The following AFG1L variants were observed in gnomAD, a reference collection of about 807,000 sequenced individuals.
AFG1L encodes AFG1-like ATPase.
Under a neutral mutation model 62.2 loss-of-function variants are expected in AFG1L, and 53 were observed. The ratio of observed to expected loss-of-function variants is 0.85; its 90% CI spans 0.68 to 1.07. The LOEUF (loss-of-function observed/expected upper bound fraction) is 1.07, where lower values mean the gene tolerates loss of function less well. Among genes scored for constraint, AFG1L ranks in the 50% least tolerant of loss-of-function variants. The pLI, the probability that AFG1L is intolerant of heterozygous loss-of-function variation, is 0.00. For missense variants in AFG1L, 555 were observed against 590.5 expected, an observed-to-expected ratio of 0.94 and a Z score of 0.62; for synonymous variants, 228 against 210.3, an observed-to-expected ratio of 1.08 and a Z score of -0.73.
intron 10 of AFG1L, among the ~76,000 whole-genome samples, chr6:108,487,091 A>G (rs1773600946): frequency 6.6e-6 from 1 of 152,240 alleles, no homozygotes. Context: ...GTTTCTCTCA[A>G]AGAGTTTACA....
At chr6:108,431,102 A>AT (rs1771049299) in intron 7 of AFG1L, among the ~76,000 whole-genome samples, 1 of 120,686 alleles carries the variant, frequency 8.3e-6, no homozygotes, top group South Asian at 3.0e-4. Context: ...TTTATTCTTT[A>AT]TAATTTCTTT....
At chr6:108,517,615 A>G (rs541756150) in intron 11 of AFG1L, among the ~76,000 whole-genome samples, 19 of 152,338 alleles carry the variant, frequency 1.2e-4, no homozygotes, top group Non-Finnish European at 2.4e-4. Context: ...TGTCTAAAAC[A>G]CCAAAAGCAA....
intron 3 of AFG1L, among the ~76,000 whole-genome samples, chr6:108,347,597 C>T (rs897930572): frequency 1.3e-5 from 2 of 152,164 alleles, no homozygotes; most frequent in African/African-American, 2.4e-5. Context: ...GTGGTCACTT[C>T]TTTCTAGGTT....
At chr6:108,438,999 C>G (rs1253356753) in intron 7 of AFG1L, among the ~76,000 whole-genome samples, 1 of 152,182 alleles carries the variant, frequency 6.6e-6, no homozygotes, top group Admixed American at 6.5e-5. Flanking sequence ...AGGAAGAACT[C>G]AGCCCTGAAG....
intron 7 of AFG1L, among the ~76,000 whole-genome samples, chr6:108,425,584 T>A (rs1474475541): frequency 6.6e-6 from 1 of 152,196 alleles, no homozygotes; most frequent in Admixed American, 6.5e-5. Flanking sequence ...CCAGATTTCC[T>A]AGTTTTTATT....
intron 10 of AFG1L, among the ~76,000 whole-genome samples, chr6:108,490,560 A>T (rs955540842): frequency 1.3e-5 from 2 of 152,248 alleles, no homozygotes; most frequent in African/African-American, 4.8e-5. Flanking sequence ...ACATGGGAAT[A>T]TAAAAATTAT....
In AFG1L at chr6:108,524,736, G is replaced by C. The variant is rs1208812205; in HGVS notation, c.*2311G>C. Reference sequence around the variant, plus strand: ...GGAGAAGGGTTTATGCAGAAAGTGGGGCTAGAAGGCTTTGGCTGGATCTCT... The same window carrying C: ...GGAGAAGGGTTTATGCAGAAAGTGGCGCTAGAAGGCTTTGGCTGGATCTCT... On this transcript the variant is annotated 3_prime_UTR_variant, in exon 13 of 13. Transcript: ENST00000368977. 1 of 152,230 alleles carries C rather than the reference G, an allele frequency of 6.6e-6. No homozygotes were observed. The highest frequency in any genetic ancestry group is 1.9e-4 in the East Asian group (1 of 5,200). 9.4% of individuals were successfully genotyped at this position (152,230 alleles called of 1,614,324 possible).
At chr6:108,423,555 G>A (rs1015935457) in intron 7 of AFG1L, among the ~76,000 whole-genome samples, 3 of 151,852 alleles carry the variant, frequency 2.0e-5, no homozygotes, top group Non-Finnish European at 2.9e-5. Flanking sequence ...ATTATATTAG[G>A]GGTGCTTGGT....
At chr6:108,457,171 C>G (rs1174478701) in intron 8 of AFG1L, among the ~76,000 whole-genome samples, 2 of 152,084 alleles carry the variant, frequency 1.3e-5, no homozygotes, top group Non-Finnish European at 2.9e-5. Flanking sequence ...GTCTTTGTTC[C>G]TGGCTTCTTT....
chr6:108,502,729 A>G (rs1774256566), intron 10 of AFG1L, among the ~76,000 whole-genome samples: 1 of 152,214 alleles, frequency 6.6e-6, no homozygotes, highest in South Asian at 2.1e-4. Context: ...TAAGACAATG[A>G]ACTTTGCTGT....
chr6:108,322,894 G>A (rs749341746), intron 1 of AFG1L, among the ~76,000 whole-genome samples: 3 of 152,134 alleles, frequency 2.0e-5, no homozygotes, highest in Non-Finnish European at 2.9e-5. Flanking sequence ...AATTATGGTT[G>A]GACCTCGCCA....
chr6:108,382,661 T>TA (rs1780599598), intron 6 of AFG1L, among the ~76,000 whole-genome samples: 1 of 152,238 alleles, frequency 6.6e-6, no homozygotes, highest in African/African-American at 2.4e-5. Flanking sequence ...GTATCTTAGT[T>TA]AAAAAGTCTG....
Position 108,459,034 on chromosome 6 carries a change from C to T in AFG1L, c.890+11738C>T, listed in dbSNP as rs1269808565. On this transcript the variant is annotated intron_variant, in intron 8 of 12. Transcript: ENST00000368977. ...TGAGAATTCCACCTGATACCCTATG[C>T]TTTAGTAGGACTTTCCTCTGACTAG... Among the ~76,000 whole-genome samples, 5 of 152,244 alleles carry T rather than the reference C, an allele frequency of 3.3e-5. No individual in the cohort carries two copies. In the East Asian group the frequency reaches 9.7e-4, roughly 29 times the overall value.
In AFG1L at chr6:108,470,496, G is replaced by C. The variant is rs184474156; in HGVS notation, c.891-6369G>C. Reference sequence around the variant, plus strand: ...TTGGCAGTTCTGTTTAGAAAGTAGGGGGATACTTAACACTCTAACCATCAA... The same window carrying C: ...TTGGCAGTTCTGTTTAGAAAGTAGGCGGATACTTAACACTCTAACCATCAA... On this transcript the variant is annotated intron_variant, in intron 8 of 12. Coordinates refer to ENST00000368977, the MANE Select transcript of AFG1L (RefSeq NM_145315.5). Among the ~76,000 whole-genome samples the C allele has an allele frequency of 5.3e-5, 8 of 152,256 alleles. No individual in the cohort carries two copies. The East Asian group carries it at 1.5e-3, about 29-fold the overall frequency.
chr6:108,488,711 A>AG (rs564800206), intron 10 of AFG1L, among the ~76,000 whole-genome samples: 145 of 152,108 alleles, frequency 9.5e-4, no homozygotes, highest in Middle Eastern at 3.4e-3. Context: ...ACCAAAAAAA[A>AG]AAAAAAATTA....
intron 2 of AFG1L, among the ~76,000 whole-genome samples, chr6:108,341,199 T>C (rs903060712): frequency 4.6e-5 from 7 of 152,226 alleles, no homozygotes; most frequent in Admixed American, 4.6e-4. Flanking sequence ...TAAATTATGG[T>C]TAGAGTACAT....
intron 1 of AFG1L, among the ~76,000 whole-genome samples, chr6:108,321,770 G>C (rs1407478222): frequency 6.6e-6 from 1 of 152,158 alleles, no homozygotes; most frequent in East Asian, 1.9e-4. Context: ...GATACCCTTA[G>C]ATTCTGTTTT....
chr6:108,360,264 C>T (rs896964412), intron 5 of AFG1L, among the ~76,000 whole-genome samples: 1 of 152,140 alleles, frequency 6.6e-6, no homozygotes, highest in Non-Finnish European at 1.5e-5. Context: ...TCATTGCTTC[C>T]TACTGTTCCC....
intron 7 of AFG1L, among the ~76,000 whole-genome samples, chr6:108,422,580 A>G (rs1770651622): frequency 6.7e-6 from 1 of 150,038 alleles, no homozygotes; most frequent in Non-Finnish European, 1.5e-5. Flanking sequence ...TAATTTGTAT[A>G]TTATCCTCAA....
Sources: gnomAD v4.1 joint callset for allele counts (sites outside exome capture counted in the v4.1 genomes callset) on GRCh38, gnomAD v4.1.1 for gene constraint, MANE v1.5 for transcripts, NCBI Gene and HGNC (gene_info 2026-07-23, HGNC 2026-07-21) for gene names.